Variants in DNMBP observed in about 807,000 individuals in gnomAD.
DNMBP encodes dynamin-binding protein.
Under a neutral mutation model 150.0 loss-of-function variants are expected in DNMBP, and 87 were observed. The observed-to-expected ratio is 0.58, with a 90% CI of 0.49 to 0.69. The LOEUF (loss-of-function observed/expected upper bound fraction) is 0.69. Ranked by LOEUF, DNMBP falls within the 30% of genes least tolerant of loss-of-function variation. DNMBP has a pLI of 0.00. For missense variants in DNMBP, 1,774 were observed against 1,949.0 expected (o/e 0.91, Z 1.69); for synonymous variants, 711 against 750.4 (o/e 0.95, Z 0.86).
chr10:99,890,272 C>T (rs1448573105), intron 11 of DNMBP, among the ~76,000 whole-genome samples: 2 of 152,158 alleles, frequency 1.3e-5, no homozygotes, highest in Admixed American at 1.3e-4. Context: ...CCAAATTATC[C>T]AGCCAATGGC....
At chr10:99,975,580 G>A (rs570135772) in intron 1 of DNMBP, among the ~76,000 whole-genome samples, 1 of 152,218 alleles carries the variant, frequency 6.6e-6, no homozygotes, top group East Asian at 1.9e-4. Flanking sequence ...TGAGTCCACA[G>A]TGGAAAAGAG....
At chr10:99,980,442 G>A (rs1426508238) in intron 1 of DNMBP, among the ~76,000 whole-genome samples, 1 of 125,546 alleles carries the variant, frequency 8.0e-6, no homozygotes, top group East Asian at 2.1e-4. Flanking sequence ...GTAAGACTCC[G>A]TCTCAAAAAA....
At chr10:99,896,649 A>G (rs1287564016) in intron 9 of DNMBP, among the ~76,000 whole-genome samples, 2 of 152,200 alleles carry the variant, frequency 1.3e-5, no homozygotes, top group East Asian at 1.9e-4. Flanking sequence ...ACTTAAGGAA[A>G]TCTGAAGTCA....
intron 1 of DNMBP, among the ~76,000 whole-genome samples, chr10:99,990,433 TC>T (rs1375962610): frequency 1.3e-5 from 2 of 151,740 alleles, no homozygotes; most frequent in African/African-American, 4.8e-5. Context: ...GCAACCATAG[TC>T]CCAGCTACTC....
intron 4 of DNMBP, chr10:99,930,116 A>T (rs1453469340): frequency 7.1e-6 from 5 of 702,998 alleles, no homozygotes; most frequent in South Asian, 4.4e-5. Flanking sequence ...AAAAGCTCAC[A>T]GGCTGACCAT....
At chr10:99,877,935 A>G (rs1179804663) in intron 16 of DNMBP, among the ~76,000 whole-genome samples, 5 of 152,280 alleles carry the variant, frequency 3.3e-5, no homozygotes, top group African/African-American at 1.2e-4. Context: ...CAGCTGGTCA[A>G]CATGGTGTGA....
In DNMBP at chr10:100,001,233, TAAAAAAAAAAAAAAAAAAAAAA is replaced by T. The variant is rs71009800; in HGVS notation, c.-11+8583_-11+8604del. ...AGGACAGAGCAAGACTCCGTCTCAT[TAAAAAAAAAAAAAAAAAAAAAA>T]AAAAAAAAAAAAAAAAAGGATAGAG... On this transcript the variant is annotated intron_variant, in intron 1 of 16. Coordinates refer to ENST00000324109, the MANE Select transcript of DNMBP (RefSeq NM_015221.4). 4.4e-3 allele frequency among the ~76,000 whole-genome samples: 95 copies of T among 21,734 alleles called. 1 individual carries two copies. Among genetic ancestry groups the T allele is most frequent in the Middle Eastern group, 0.071 (2 of 28 alleles). The allele number at this position is 21,734 out of a possible 152,430, so 14.3% of individuals were successfully genotyped here. A position where few individuals can be genotyped will look rare whatever the true frequency, so the allele number is the denominator to read the frequency against.
chr10:99,914,128 A>G (rs2039935625), intron 4 of DNMBP: 3 of 1,337,036 alleles, frequency 2.2e-6, no homozygotes, highest in Non-Finnish European at 2.9e-6. Flanking sequence ...CACCCGGGCT[A>G]TCACAGCAGG....
Position 99,902,166 on chromosome 10 carries a change from C to A in DNMBP, c.2555-2100G>T, listed in dbSNP as rs368434375. Among the ~76,000 whole-genome samples the A allele has an allele frequency of 4.6e-5, 7 of 152,150 alleles. No individual in the cohort carries two copies. The East Asian group carries it at 1.4e-3, about 30-fold the overall frequency. On this transcript the variant is annotated intron_variant, in intron 6 of 16. Coordinates refer to ENST00000324109, the MANE Select transcript of DNMBP (RefSeq NM_015221.4). ...CGGCCCTTCCAAAGTGCTGGGATAACGGGCGTGAGTCACCATGCCTGGCCT... is the reference window on the plus strand; with the variant it reads ...CGGCCCTTCCAAAGTGCTGGGATAAAGGGCGTGAGTCACCATGCCTGGCCT...
intron 1 of DNMBP, among the ~76,000 whole-genome samples, chr10:99,990,411 G>A (rs537819783): frequency 2.9e-4 from 44 of 152,020 alleles, no homozygotes; most frequent in Admixed American, 1.1e-3. Context: ...AATTAGCTGG[G>A]CATGGTGGCG....
At chr10:99,978,916 C>T (rs567487995) in intron 1 of DNMBP, among the ~76,000 whole-genome samples, 21 of 152,064 alleles carry the variant, frequency 1.4e-4, no homozygotes, top group Admixed American at 5.2e-4. Flanking sequence ...GTACCTTTTT[C>T]CTCTCCCTAC....
intron 1 of DNMBP, among the ~76,000 whole-genome samples, chr10:99,998,858 C>A (rs1310270232): frequency 6.6e-6 from 1 of 152,116 alleles, no homozygotes; most frequent in African/African-American, 2.4e-5. Context: ...ATACAGAAAC[C>A]AAGTTAGCTT....
intron 4 of DNMBP, among the ~76,000 whole-genome samples, chr10:99,917,213 TG>T (rs751744351): frequency 2.0e-5 from 3 of 151,750 alleles, no homozygotes; most frequent in African/African-American, 4.8e-5. Context: ...AAAAATTAGT[TG>T]GTTGTGGTGG....
chr10:99,981,850 G>A (rs2040782588), intron 1 of DNMBP, among the ~76,000 whole-genome samples: 1 of 152,158 alleles, frequency 6.6e-6, no homozygotes, highest in South Asian at 2.1e-4. Context: ...TCCCTGCTGG[G>A]TTGTGAGTTG....
intron 10 of DNMBP, 42 bp from the exon 11 acceptor site, chr10:99,895,092 T>A: frequency 6.0e-6 from 6 of 998,968 alleles, no homozygotes; most frequent in Non-Finnish European, 7.5e-6. Flanking sequence ...ATCTGGACAC[T>A]CCTTTAATCT....
intron 3 of DNMBP, among the ~76,000 whole-genome samples, chr10:99,961,754 C>T (rs2040568163): frequency 2.0e-5 from 3 of 151,838 alleles, no homozygotes. Flanking sequence ...AAGGAGCCTA[C>T]TGCTAATGGC....
intron 14 of DNMBP, 101 bp downstream of exon 14, chr10:99,885,586 A>G (rs532470984): frequency 2.7e-4 from 296 of 1,108,960 alleles, no homozygotes; most frequent in Middle Eastern, 1.8e-3. Flanking sequence ...TTATTATGAA[A>G]TACAGAAACT....
intron 4 of DNMBP, among the ~76,000 whole-genome samples, chr10:99,947,112 G>A (rs775884143): frequency 7.2e-5 from 11 of 152,226 alleles, no homozygotes; most frequent in Admixed American, 1.3e-4. Flanking sequence ...CTTATACACT[G>A]TTAGTGGGAA....
intron 4 of DNMBP, among the ~76,000 whole-genome samples, chr10:99,935,106 A>AAAG (rs2040213119): frequency 6.7e-6 from 1 of 149,100 alleles, no homozygotes; most frequent in African/African-American, 2.5e-5. Context: ...AAAAAAAAAA[A>AAAG]AAAAAAAGAA....
Sources: gnomAD v4.1 joint callset for allele counts (sites outside exome capture counted in the v4.1 genomes callset) on GRCh38, gnomAD v4.1.1 for gene constraint, MANE v1.5 for transcripts, NCBI Gene and HGNC (gene_info 2026-07-23, HGNC 2026-07-21) for gene names.